Variants in MICAL2 observed in about 807,000 individuals in gnomAD.
MICAL2 encodes microtubule associated monooxygenase, calponin and LIM domain containing 2.
In MICAL2, 77 loss-of-function variants were observed where a neutral mutation model predicts 127.3. The observed-to-expected ratio is 0.60, with a 90% CI of 0.50 to 0.73. MICAL2 has a LOEUF of 0.73. MICAL2 is among the 30% of genes least tolerant of loss of function. The pLI is 0.00. For missense variants in MICAL2, 1,351 were observed against 1,434.4 expected, an observed-to-expected ratio of 0.94 and a Z score of 0.94; for synonymous variants, 570 against 551.1, an observed-to-expected ratio of 1.03 and a Z score of -0.48.
rs1565226305 is a variant in MICAL2, at chr11:12,239,549, T to G, written c.2178T>G (p.Phe726Leu). The G allele has an allele frequency of 3.7e-6, 6 of 1,614,232 alleles. No individual in the cohort carries two copies. The highest frequency in any genetic ancestry group is 4.2e-6 in the Non-Finnish European group (5 of 1,180,044). Residue 726 changes from phenylalanine to leucine, a missense_variant, in exon 17 of 28, where the codon TTT (phenylalanine) becomes TTG (leucine). This residue lies in a region of MICAL2 where 752 missense variants were observed against 719.4 expected (regional missense o/e 1.05). Transcript: ENST00000683283. ...KSMANQLLAK[F>L]EESTRNPSLM... ...TGGCGAATCAGCTGCTGGCCAAGTT[T>G]GAGGAGAGCACTCGGAACCCCTCAC...
At chr11:12,262,376 A>G (rs1484179646) in intron 26 of MICAL2, 104 bp from the exon 27 acceptor site, 3 of 1,574,148 alleles carry the variant, frequency 1.9e-6, no homozygotes, top group Non-Finnish European at 2.6e-6. Flanking sequence ...CCTTATTTTC[A>G]ACTCCGGTGC....
intron 31 of MICAL2, chr11:12,324,140 G>T (rs1252720030): frequency 1.1e-4 from 165 of 1,549,852 alleles, no homozygotes; most frequent in Non-Finnish European, 1.4e-4. Flanking sequence ...ATGGGAAAGA[G>T]TTTTGGGGGT....
chr11:12,361,373 T>G (rs965892939), downstream of MICAL2, among the ~76,000 whole-genome samples: 7 of 152,164 alleles, frequency 4.6e-5, no homozygotes, highest in African/African-American at 1.7e-4. Flanking sequence ...AGTCCTTAAC[T>G]CCACCTCCAA....
chr11:12,294,187 C>A (rs377195845), downstream of MICAL2: 79 of 1,613,944 alleles, frequency 4.9e-5, no homozygotes, highest in South Asian at 3.5e-4. Flanking sequence ...AGATGGGGAC[C>A]CCTGCGGAAC....
chr11:12,143,941 G>C (rs1852612242), intron 2 of MICAL2, among the ~76,000 whole-genome samples: 1 of 152,124 alleles, frequency 6.6e-6, no homozygotes, highest in Non-Finnish European at 1.5e-5. Flanking sequence ...GAGAGAGAGA[G>C]GGAAAGAGAG....
intron 26 of MICAL2, chr11:12,260,590 C>T (rs1862977542): frequency 2.0e-6 from 2 of 991,136 alleles, no homozygotes; most frequent in Non-Finnish European, 2.4e-6. Context: ...ATTTTACACG[C>T]ATGAAAATGA....
intron 1 of MICAL2, among the ~76,000 whole-genome samples, chr11:12,126,862 G>A (rs1403701239): frequency 6.6e-6 from 1 of 152,178 alleles, no homozygotes; most frequent in Admixed American, 6.5e-5. Context: ...GGAGGGCCTG[G>A]AAAGCTTCCT....
At chr11:12,337,087 C>G (rs1247422900) in intron 32 of MICAL2, among the ~76,000 whole-genome samples, 1 of 152,118 alleles carries the variant, frequency 6.6e-6, no homozygotes, top group Non-Finnish European at 1.5e-5. Flanking sequence ...TGGTCCTGGA[C>G]TTGTTTTGGT....
intron 5 of MICAL2, among the ~76,000 whole-genome samples, chr11:12,209,186 G>C (rs1246301973): frequency 6.6e-6 from 1 of 152,210 alleles, no homozygotes; most frequent in Non-Finnish European, 1.5e-5. Flanking sequence ...GGTGGACTTT[G>C]TTGAGAATGA....
At position 12,255,654 on chromosome 11, in the gene MICAL2, G is replaced by A; in HGVS notation, c.2859G>A (p.Gly953=). 1 of 1,614,080 alleles carries A rather than the reference G, an allele frequency of 6.2e-7. No homozygotes were observed. Among genetic ancestry groups the A allele is most frequent in the Non-Finnish European group, 8.5e-7 (1 of 1,180,004 alleles). The part of the protein sequence containing the change: ...LRTVHPQLTV[G]KVSSGIGAAA... ...CTGCTCTTGGTTAGCTGACGGTAGG[G>A]AAAGTGTCCAGCGGAATAGGGGCTG... is the stretch of plus-strand genomic sequence containing the variant. Residue 953 remains glycine, a synonymous_variant, in exon 23 of 28, where the codon GGG becomes GGA. Coordinates refer to ENST00000683283, the MANE Select transcript of MICAL2 (RefSeq NM_001282663.2).
At chr11:12,237,035 A>G (rs1385744064) in intron 16 of MICAL2, among the ~76,000 whole-genome samples, 1 of 152,168 alleles carries the variant, frequency 6.6e-6, no homozygotes, top group Non-Finnish European at 1.5e-5. Flanking sequence ...TTTATGGTCG[A>G]AGAGTTTTTA....
chr11:12,206,557 T>C (rs962448034), intron 4 of MICAL2, among the ~76,000 whole-genome samples: 2 of 152,166 alleles, frequency 1.3e-5, no homozygotes, highest in African/African-American at 4.8e-5. Flanking sequence ...GATTGGGCTC[T>C]TTAAGCTGAT....
intron 1 of MICAL2, among the ~76,000 whole-genome samples, chr11:12,115,378 C>T (rs1342270514): frequency 6.6e-6 from 1 of 152,212 alleles, no homozygotes; most frequent in Non-Finnish European, 1.5e-5. Context: ...GTCTTTTACC[C>T]ATCCAGTAAT....
At position 12,261,020 on chromosome 11, in the gene MICAL2, C is replaced by T. The variant is rs149807749; in HGVS notation, c.3334+1123C>T. The stretch of plus-strand genomic sequence containing the variant: ...ACTGATGGCATTTTAGCCCCTGTGG[C>T]TCCCAGCGGATCCCCCAGCCCGGGC... On this transcript the variant is annotated intron_variant, in intron 26 of 27. Transcript: ENST00000683283. The T allele has an allele frequency of 3.2e-4, 315 of 985,570 alleles. No homozygotes were observed. The African/African-American group carries it at 5.2e-3, about 16-fold the overall frequency. 61.1% of individuals were successfully genotyped at this position (985,570 alleles called of 1,614,324 possible). A position where few individuals can be genotyped will look rare whatever the true frequency, so the allele number is the denominator to read the frequency against.
intron 17 of MICAL2, among the ~76,000 whole-genome samples, chr11:12,240,127 C>T (rs1160792477): frequency 2.6e-5 from 4 of 152,222 alleles, no homozygotes; most frequent in Admixed American, 6.5e-5. Flanking sequence ...GCCAACCTCC[C>T]AGGTGTTTCC....
intron 32 of MICAL2, among the ~76,000 whole-genome samples, chr11:12,346,617 C>T (rs530251944): frequency 6.6e-6 from 1 of 152,228 alleles, no homozygotes; most frequent in South Asian, 2.1e-4. Flanking sequence ...GCTGTCTCCT[C>T]TCTGAGGCTT....
At chr11:12,127,543 C>A (rs1460182401) in intron 1 of MICAL2, among the ~76,000 whole-genome samples, 2 of 152,138 alleles carry the variant, frequency 1.3e-5, no homozygotes, top group Non-Finnish European at 2.9e-5. Context: ...GAGAGGGGAG[C>A]AGCTCGGGGA....
chr11:12,324,148 G>C, intron 31 of MICAL2: 2 of 1,525,442 alleles, frequency 1.3e-6, no homozygotes, highest in South Asian at 2.5e-5. Flanking sequence ...GAGTTTTGGG[G>C]GTCTGCATTG....
intron 30 of MICAL2, among the ~76,000 whole-genome samples, chr11:12,322,161 T>C (rs1347800376): frequency 6.6e-6 from 1 of 152,182 alleles, no homozygotes. Flanking sequence ...GTATCTGGCA[T>C]ATAGCATTTG....
Sources: gnomAD v4.1 joint callset for allele counts (sites outside exome capture counted in the v4.1 genomes callset) on GRCh38, gnomAD v4.1.1 for gene constraint, gnomAD v4.1.1 regional missense constraint, MANE v1.5 for transcripts, NCBI Gene and HGNC (gene_info 2026-07-23, HGNC 2026-07-21) for gene names.